The following USP47 variants were observed in gnomAD, a reference collection of about 807,000 sequenced individuals.
USP47 encodes the protein ubiquitin carboxyl-terminal hydrolase 47.
In USP47, 35 loss-of-function variants were observed where a neutral mutation model predicts 165.1. The ratio of observed to expected loss-of-function variants is 0.21; its 90% CI spans 0.16 to 0.28. The LOEUF is 0.28. Among genes scored for constraint, USP47 ranks in the 10% least tolerant of loss-of-function variants. The probability of loss-of-function intolerance (pLI) is 1.00; values close to 1 mark genes in which losing one functional copy is unlikely to be tolerated. For synonymous variants in USP47, 531 were observed against 544.5 expected (o/e 0.98, Z 0.35); for missense variants, 1,277 against 1,607.4 (o/e 0.79, Z 3.52).
chr11:11,864,189 A>C (rs1849541247), intron 1 of USP47, among the ~76,000 whole-genome samples: 1 of 152,078 alleles, frequency 6.6e-6, no homozygotes, highest in South Asian at 2.1e-4. Flanking sequence ...TTTGTATTAC[A>C]AGAAAAATGT....
chr11:11,868,187 A>C (rs1440181582), intron 1 of USP47, among the ~76,000 whole-genome samples: 3 of 152,204 alleles, frequency 2.0e-5, no homozygotes, highest in African/African-American at 7.2e-5. Flanking sequence ...ACTATAATAC[A>C]CTATCAGAAC....
chr11:11,862,401 T>G (rs1358097613), intron 1 of USP47, among the ~76,000 whole-genome samples: 2 of 145,242 alleles, frequency 1.4e-5, no homozygotes, highest in African/African-American at 5.2e-5. Context: ...CATAAGAATC[T>G]GCTTATCTTA....
chr11:11,885,673 G>A (rs1214577690), intron 3 of USP47, among the ~76,000 whole-genome samples: 1 of 152,096 alleles, frequency 6.6e-6, no homozygotes, highest in African/African-American at 2.4e-5. Context: ...TCCCCAACAA[G>A]GTGGGAAGTC....
chr11:11,933,238 A>C (rs890798750), intron 15 of USP47, 122 bp downstream of exon 15: 9 of 827,458 alleles, frequency 1.1e-5, no homozygotes, highest in Non-Finnish European at 1.5e-5. Flanking sequence ...ATCATTGAAC[A>C]GTGTAACCAA....
At chr11:11,946,357 C>T (rs1161612727) in intron 20 of USP47, among the ~76,000 whole-genome samples, 1 of 152,168 alleles carries the variant, frequency 6.6e-6, no homozygotes, top group African/African-American at 2.4e-5. Flanking sequence ...CCATATTAAA[C>T]GATATCAGTA....
chr11:11,858,200 A>G (rs557205078), intron 1 of USP47, among the ~76,000 whole-genome samples: 9 of 151,890 alleles, frequency 5.9e-5, no homozygotes, highest in African/African-American at 1.9e-4. Context: ...ATTTTGTCCA[A>G]TTCTTTGTTC....
intron 1 of USP47, among the ~76,000 whole-genome samples, chr11:11,877,710 A>G (rs1487586693): frequency 6.6e-6 from 1 of 152,004 alleles, no homozygotes; most frequent in African/African-American, 2.4e-5. Context: ...GATGTTAGAA[A>G]ACAGCATGTG....
At position 11,938,184 on chromosome 11, in the gene USP47, A is replaced by C. The variant is rs1029854426; in HGVS notation, c.2078-73A>C. On this transcript the variant is annotated intron_variant, in intron 17 of 27. Transcript: ENST00000527733. The stretch of plus-strand genomic sequence containing the variant: ...TTTGTCACCTGTTAGAAACACATTA[A>C]GAATGCATTACTCATGTGAAATACA... The C allele has an allele frequency of 8.6e-6, 11 of 1,277,976 alleles. No homozygotes were observed. In the African/African-American group the frequency reaches 1.5e-4, roughly 17 times the overall value. The allele number at this position is 1,277,976 out of a possible 1,614,324, so 79.2% of individuals were successfully genotyped here.
chr11:11,852,482 C>G (rs1415194504), intron 1 of USP47, among the ~76,000 whole-genome samples: 1 of 152,156 alleles, frequency 6.6e-6, no homozygotes, highest in African/African-American at 2.4e-5. Flanking sequence ...TCCTTACTTT[C>G]CAACACCACA....
At position 11,903,460 on chromosome 11, in the gene USP47, A is replaced by G. The variant is rs147470103; in HGVS notation, c.819+118A>G. The G allele has an allele frequency of 1.5e-5, 13 of 865,734 alleles. No homozygotes were observed. In the East Asian group the frequency reaches 2.5e-4, roughly 16 times the overall value. The allele number at this position is 865,734 out of a possible 1,614,324, so 53.6% of individuals were successfully genotyped here. The stretch of plus-strand genomic sequence containing the variant: ...TGGGCATTAGTCTCATGGTTAAAGT[A>G]CCCAATGGGAAATTGAAAGTACTGA... On this transcript the variant is annotated intron_variant, in intron 7 of 27. Transcript: ENST00000527733.
At chr11:11,848,875 C>T (rs971699220) in intron 1 of USP47, among the ~76,000 whole-genome samples, 1 of 152,174 alleles carries the variant, frequency 6.6e-6, no homozygotes, top group African/African-American at 2.4e-5. Context: ...TCCCAAAGTG[C>T]TGGGATTACA....
intron 8 of USP47, among the ~76,000 whole-genome samples, chr11:11,915,804 A>G (rs561242094): frequency 6.6e-6 from 1 of 152,230 alleles, no homozygotes; most frequent in African/African-American, 2.4e-5. Context: ...ATGTTCCTGT[A>G]TATCAGTAGT....
In USP47 at chr11:11,842,091, G is replaced by A. The variant is rs918188475; in HGVS notation, c.-95G>A. ...ATTGCTGGAGCGCAGGCGGCGGAGA[G>A]GATGACTGCCGCTGCCATTCTCTCT... On this transcript the variant is annotated 5_prime_UTR_variant, in exon 1 of 28. Transcript: ENST00000527733. 6.8e-5 allele frequency: 99 copies of A among 1,455,484 alleles called. No individual in the cohort carries two copies. The highest frequency in any genetic ancestry group is 1.4e-5 in the Non-Finnish European group (15 of 1,073,080). 90.2% of individuals were successfully genotyped at this position (1,455,484 alleles called of 1,614,324 possible).
chr11:11,957,248 GA>G lies in USP47; in HGVS notation c.*1076del, dbSNP rs1353318610. 1 of 150,866 alleles carries G rather than the reference GA, an allele frequency of 6.6e-6. No homozygotes were observed. Among genetic ancestry groups the G allele is most frequent in the Non-Finnish European group, 1.5e-5 (1 of 67,420 alleles). 9.3% of individuals were successfully genotyped at this position (150,866 alleles called of 1,614,324 possible). A position where few individuals can be genotyped will look rare whatever the true frequency, so the allele number is the denominator to read the frequency against. ...TAGTTACATGTAGTTTAACTTTTGG[GA>G]AACGTCTTAACATTGTTCTGAATAA... On this transcript the variant is annotated 3_prime_UTR_variant, in exon 28 of 28. Transcript: ENST00000527733.
chr11:11,864,028 A>C (rs903896664), intron 1 of USP47, among the ~76,000 whole-genome samples: 2 of 152,174 alleles, frequency 1.3e-5, no homozygotes, highest in African/African-American at 4.8e-5. Flanking sequence ...CATTGCTTCT[A>C]GTCCTTTCAG....
intron 1 of USP47, among the ~76,000 whole-genome samples, chr11:11,877,864 C>CGT (rs1850574407): frequency 5.6e-5 from 6 of 106,534 alleles, no homozygotes; most frequent in African/African-American, 1.7e-4. Flanking sequence ...TGTGTGCGCG[C>CGT]GCGCAGATAA....
At chr11:11,917,772 CAATA>C (rs1853536242) in intron 8 of USP47, among the ~76,000 whole-genome samples, 1 of 152,060 alleles carries the variant, frequency 6.6e-6, no homozygotes, top group African/African-American at 2.4e-5. Context: ...CAAAGGAACA[CAATA>C]AATATTACCT....
At chr11:11,905,009 A>T (rs915819845) in intron 7 of USP47, among the ~76,000 whole-genome samples, 4 of 152,044 alleles carry the variant, frequency 2.6e-5, no homozygotes, top group Non-Finnish European at 4.4e-5. Context: ...TAACATGCTT[A>T]AAGTGATAGG....
chr11:11,882,954 A>G (rs960164441), intron 2 of USP47, among the ~76,000 whole-genome samples: 1 of 151,988 alleles, frequency 6.6e-6, no homozygotes, highest in African/African-American at 2.4e-5. Flanking sequence ...CTCGAGCTCT[A>G]TTTCTGTATT....
Sources: allele counts gnomAD v4.1 joint callset (sites outside exome capture counted in the v4.1 genomes callset), GRCh38; gene constraint gnomAD v4.1.1; transcripts MANE v1.5; gene names NCBI Gene and HGNC (gene_info 2026-07-23, HGNC 2026-07-21).